DSCAM: variants seen among roughly 807,000 people sequenced by gnomAD.
The protein encoded by DSCAM is cell adhesion molecule DSCAM.
DSCAM carries 47 observed loss-of-function variants against 217.7 expected under a neutral mutation model. The observed-to-expected ratio is 0.22, with a 90% CI of 0.17 to 0.28. DSCAM has a LOEUF of 0.28. DSCAM is among the 10% of genes least tolerant of loss of function. The probability of loss-of-function intolerance (pLI) is 1.00; values close to 1 mark genes in which losing one functional copy is unlikely to be tolerated. For synonymous variants in DSCAM, 1,056 were observed against 1,015.3 expected, an observed-to-expected ratio of 1.04 and a Z score of -0.76; for missense variants, 2,080 against 2,618.3, an observed-to-expected ratio of 0.79 and a Z score of 4.49.
chr21:40,119,268 A>G (rs779078758), intron 20 of DSCAM, among the ~76,000 whole-genome samples: 6 of 152,182 alleles, frequency 3.9e-5, no homozygotes, highest in Non-Finnish European at 7.3e-5. Flanking sequence ...TGTGGTAAAA[A>G]TGAATAAATG....
Position 40,276,105 on chromosome 21 carries a change from G to A in DSCAM, c.2348C>T (p.Thr783Met), listed in dbSNP as rs760068335. ...CATTTCTTCTCTCTTACTTTTAACC[G>A]TGAGGTACATGGACTTGCTGACGTC... ...GADVSKSMYLTVKIPAMITSY... is the reference protein window; with the variant it reads ...GADVSKSMYLMVKIPAMITSY... Residue 783 changes from threonine to methionine, a missense_variant, in exon 11 of 33, where the codon ACG (threonine) becomes ATG (methionine). Thr to Met is a moderately conservative substitution (Grantham distance 81, BLOSUM62 -1). Around this residue, in one of 5 missense-constraint regions of DSCAM, gnomAD observed 218 missense variants for 364.1 expected, o/e 0.60. Coordinates refer to ENST00000400454, the MANE Select transcript of DSCAM (RefSeq NM_001389.5). 1.4e-5 allele frequency: 22 copies of A among 1,577,172 alleles called. No homozygotes were observed. The highest frequency in any genetic ancestry group is 2.3e-5 in the East Asian group (1 of 44,160).
intron 1 of DSCAM, among the ~76,000 whole-genome samples, chr21:40,802,346 G>T (rs111424689): frequency 2.6e-5 from 4 of 152,282 alleles, no homozygotes; most frequent in African/African-American, 9.6e-5. Context: ...TAGACAACCC[G>T]TTTTGATTTC....
intron 3 of DSCAM, among the ~76,000 whole-genome samples, chr21:40,508,756 TA>T (rs1568862869): frequency 0.048 from 2,028 of 42,438 alleles, 531 homozygotes; most frequent in African/African-American, 0.086. Flanking sequence ...TATATATATA[TA>T]TATATATATA....
At chr21:40,669,030 C>T (rs562067935) in intron 3 of DSCAM, among the ~76,000 whole-genome samples, 5 of 152,258 alleles carry the variant, frequency 3.3e-5, no homozygotes, top group African/African-American at 9.6e-5. Context: ...GCAGGGATTG[C>T]GTATTTCTCT....
chr21:40,823,158 C>T (rs987059892), intron 1 of DSCAM, among the ~76,000 whole-genome samples: 4 of 139,756 alleles, frequency 2.9e-5, no homozygotes, highest in South Asian at 5.2e-4. Context: ...CCCCCAGCAC[C>T]GCCCCCCCAA....
intron 3 of DSCAM, among the ~76,000 whole-genome samples, chr21:40,585,176 CTTCT>C (rs148747489): frequency 6.4e-5 from 4 of 62,628 alleles, no homozygotes; most frequent in Admixed American, 2.1e-4. Flanking sequence ...GACAAATCAA[CTTCT>C]TTTTTTTTTT....
At position 40,188,785 on chromosome 21, in the gene DSCAM, CTTT is replaced by C. The variant is rs35605811; in HGVS notation, c.2553+254_2553+256del. On this transcript the variant is annotated intron_variant, in intron 12 of 32. Transcript: ENST00000400454. The stretch of plus-strand genomic sequence containing the variant: ...TGTCATTTAAAAACCTTATTTCTCA[CTTT>C]TTTTTTTTTTTTTTACTACATTTGG... Among the ~76,000 whole-genome samples, 57 of 141,516 alleles carry C rather than the reference CTTT, an allele frequency of 4.0e-4. 1 individual carries two copies. Among genetic ancestry groups the C allele is most frequent in the South Asian group, 2.3e-3 (10 of 4,432 alleles). 92.8% of individuals were successfully genotyped at this position (141,516 alleles called of 152,430 possible).
chr21:40,577,813 AGGTGATAGACTCGG>A (rs2076866534), intron 3 of DSCAM, among the ~76,000 whole-genome samples: 1 of 152,226 alleles, frequency 6.6e-6, no homozygotes, highest in African/African-American at 2.4e-5. Flanking sequence ...GACTACTACA[AGGTGATAGACTCGG>A]GGCTTTGGGC....
chr21:40,758,415 G>A (rs980695535), intron 1 of DSCAM, among the ~76,000 whole-genome samples: 7 of 151,750 alleles, frequency 4.6e-5, no homozygotes, highest in African/African-American at 1.7e-4. Flanking sequence ...TACTTGGGAG[G>A]CTGAGGCAGG....
At chr21:40,113,405 A>T (rs796343390) in intron 20 of DSCAM, among the ~76,000 whole-genome samples, 2 of 152,286 alleles carry the variant, frequency 1.3e-5, no homozygotes, top group South Asian at 2.1e-4. Flanking sequence ...TATTGATGGG[A>T]CGTATCTCAA....
intron 11 of DSCAM, among the ~76,000 whole-genome samples, chr21:40,189,587 C>T (rs2090933242): frequency 6.6e-6 from 1 of 152,298 alleles, no homozygotes; most frequent in South Asian, 2.1e-4. Flanking sequence ...GCCCATAATT[C>T]ATTCCCATGT....
intron 10 of DSCAM, among the ~76,000 whole-genome samples, chr21:40,280,714 G>C (rs186549826): frequency 6.6e-6 from 1 of 152,172 alleles, no homozygotes; most frequent in African/African-American, 2.4e-5. Flanking sequence ...TGTAGCCTTC[G>C]TTTTTATGCA....
At chr21:40,493,206 A>G (rs2076090188) in intron 3 of DSCAM, among the ~76,000 whole-genome samples, 1 of 152,192 alleles carries the variant, frequency 6.6e-6, no homozygotes, top group African/African-American at 2.4e-5. Flanking sequence ...TTTAATGTCA[A>G]AATTTTACAT....
Position 40,183,827 on chromosome 21 carries a change from T to C in DSCAM, c.2779+3304A>G, listed in dbSNP as rs565875275. Among the ~76,000 whole-genome samples the C allele has an allele frequency of 1.1e-3, 164 of 152,340 alleles. 1 individual carries two copies. Among genetic ancestry groups the C allele is most frequent in the Middle Eastern group, 6.8e-3 (2 of 294 alleles). ...ATACATTGGTTATATGCTGCTTTCT[T>C]TGAAAATTAATGAAAAGGAAAGGAA... On this transcript the variant is annotated intron_variant, in intron 14 of 32. Transcript: ENST00000400454.
intron 11 of DSCAM, among the ~76,000 whole-genome samples, chr21:40,196,449 G>A (rs2091009985): frequency 6.6e-6 from 1 of 152,092 alleles, no homozygotes; most frequent in Non-Finnish European, 1.5e-5. Context: ...GAGTCCCTGG[G>A]GGTGGGGGTT....
intron 3 of DSCAM, among the ~76,000 whole-genome samples, chr21:40,417,390 A>G (rs950804690): frequency 6.6e-6 from 1 of 152,184 alleles, no homozygotes; most frequent in Admixed American, 6.5e-5. Flanking sequence ...CAAGACAATA[A>G]AGGTGAAGAA....
chr21:40,339,255 C>A lies in DSCAM; in HGVS notation c.1371G>T (p.Gln457His). Residue 457 changes from glutamine to histidine, a missense_variant, in exon 7 of 33, where the codon CAG (glutamine) becomes CAT (histidine). This residue lies in a region of DSCAM where 568 missense variants were observed against 678.1 expected (regional missense o/e 0.84). Coordinates refer to ENST00000400454, the MANE Select transcript of DSCAM (RefSeq NM_001389.5). ...CCACGTTCCCCTCCGACGTGATCAT[C>A]TGGCTGATGCGGTGACTGCCACCCT... The part of the protein sequence containing the change: ...ILKGGSHRIS[Q>H]MITSEGNVVS... The A allele has an allele frequency of 6.2e-7, 1 of 1,614,204 alleles. No individual in the cohort carries two copies. The highest frequency in any genetic ancestry group is 1.3e-5 in the African/African-American group (1 of 75,046).
chr21:40,032,367 G>A (rs574409192), intron 32 of DSCAM, among the ~76,000 whole-genome samples: 22 of 152,176 alleles, frequency 1.4e-4, no homozygotes, highest in African/African-American at 4.6e-4. Flanking sequence ...CAAAGTCAAA[G>A]CCCTACTTTT....
chr21:40,114,014 T>A, intron 20 of DSCAM, among the ~76,000 whole-genome samples: 1 of 151,846 alleles, frequency 6.6e-6, no homozygotes, highest in Non-Finnish European at 1.5e-5. Flanking sequence ...TTCAATGCCA[T>A]CCCCATCAAG....
Sources: gnomAD v4.1 joint callset for allele counts (sites outside exome capture counted in the v4.1 genomes callset) on GRCh38, gnomAD v4.1.1 for gene constraint, gnomAD v4.1.1 regional missense constraint, MANE v1.5 for transcripts, NCBI Gene and HGNC (gene_info 2026-07-23, HGNC 2026-07-21) for gene names.